The following TMEM143 variants were observed in gnomAD, a reference collection of about 807,000 sequenced individuals.
TMEM143 encodes the protein transmembrane protein 143.
In TMEM143, 45 loss-of-function variants were observed where a neutral mutation model predicts 40.3. That is an observed-to-expected ratio of 1.12 (90% CI 0.88 to 1.43). TMEM143 has a LOEUF of 1.43. TMEM143 is among the 40% of genes most tolerant of loss of function. The pLI is 0.00. For synonymous variants in TMEM143, 299 were observed against 282.7 expected (o/e 1.06, Z -0.58); for missense variants, 620 against 613.4 (o/e 1.01, Z -0.11).
intron 3 of TMEM143, among the ~76,000 whole-genome samples, chr19:48,356,141 G>A (rs1969886592): frequency 6.8e-6 from 1 of 147,356 alleles, no homozygotes; most frequent in Admixed American, 6.8e-5. Flanking sequence ...TTTTTGGGAT[G>A]GAGTCTCACT....
chr19:48,342,075 AG>A (rs1969500662), intron 6 of TMEM143, among the ~76,000 whole-genome samples: 2 of 110,176 alleles, frequency 1.8e-5, no homozygotes, highest in African/African-American at 6.9e-5. Context: ...GCAAGAAGGG[AG>A]GGAAGGGAGA....
At chr19:48,360,732 A>G (rs554740824) in intron 2 of TMEM143, among the ~76,000 whole-genome samples, 1 of 152,132 alleles carries the variant, frequency 6.6e-6, no homozygotes, top group Admixed American at 6.6e-5. Flanking sequence ...ACACACACAC[A>G]CAATTCCAGG....
chr19:48,352,545 C>T (rs1673154), intron 3 of TMEM143, among the ~76,000 whole-genome samples: 105,788 of 150,780 alleles, frequency 0.7, 37,782 homozygotes, highest in East Asian at 0.83. Flanking sequence ...GAGGCCGAGG[C>T]GGGCGGATCA....
intron 3 of TMEM143, among the ~76,000 whole-genome samples, chr19:48,351,732 C>T (rs750147842): frequency 5.9e-5 from 9 of 152,158 alleles, no homozygotes; most frequent in Non-Finnish European, 1.2e-4. Flanking sequence ...AGGGCTTGCT[C>T]CCCTCTCCTT....
intron 3 of TMEM143, among the ~76,000 whole-genome samples, chr19:48,348,938 G>A (rs1224181632): frequency 6.6e-6 from 1 of 152,138 alleles, no homozygotes; most frequent in Non-Finnish European, 1.5e-5. Flanking sequence ...TAGTTTGGGA[G>A]GCCGAGAGAA....
rs1969592168 is a variant in TMEM143 at position 48,345,178 on chromosome 19, G to C, written c.546C>G (p.His182Gln). The change falls in exon 4 of 8, where the codon CAC (histidine) becomes CAG (glutamine). Residue 182 changes from histidine (H) to glutamine (Q), a missense_variant. By Grantham distance (24) the His-to-Gln change is conservative. Transcript: ENST00000293261. ...DTLAYALVVH[H>Q]PQDEVQVTVN... ...CAAGTACCTGGACCTCATCCTGAGGGTGGTGGACCACCAGCGCGTAGGCCA... is the reference window on the plus strand; with the variant it reads ...CAAGTACCTGGACCTCATCCTGAGGCTGGTGGACCACCAGCGCGTAGGCCA... 6.2e-7 allele frequency: 1 copy of C among 1,613,428 alleles called. No homozygotes were observed. Among genetic ancestry groups the C allele is most frequent in the Non-Finnish European group, 8.5e-7 (1 of 1,179,648 alleles).
chr19:48,356,223 T>G (rs1969889451), intron 3 of TMEM143, among the ~76,000 whole-genome samples: 1 of 147,216 alleles, frequency 6.8e-6, no homozygotes. Flanking sequence ...GTTCAAGTGA[T>G]TCTCCTTCCT....
In TMEM143 at chr19:48,360,079, C is replaced by T. The variant is rs1206107741; in HGVS notation, c.362G>A (p.Arg121Gln). 11 of 1,613,990 alleles carry T rather than the reference C, an allele frequency of 6.8e-6. No individual in the cohort carries two copies. Among genetic ancestry groups the T allele is most frequent in the Non-Finnish European group, 8.5e-6 (10 of 1,179,978 alleles). Reference sequence around the variant, plus strand: ...GAAGGGCCCCGTCCTCACCTGCAGCCGGGCCAGGATTTGGTGGTAGTGGAA... The same window carrying T: ...GAAGGGCCCCGTCCTCACCTGCAGCTGGGCCAGGATTTGGTGGTAGTGGAA... Reference protein sequence around the residue: ...TLFHYHQILARLQALYDPINP... With the variant: ...TLFHYHQILAQLQALYDPINP... Residue 121 changes from arginine (R) to glutamine (Q), a missense_variant, in exon 3 of 8, where the codon CGG (arginine) becomes CAG (glutamine). Physicochemically the swap from Arg to Gln is conservative, Grantham distance 43. Transcript: ENST00000293261.
At position 48,342,516 on chromosome 19, in the gene TMEM143, A is replaced by G; in HGVS notation, c.975+14T>C. On this transcript the variant is annotated intron_variant, in intron 6 of 7. Transcript: ENST00000293261. The stretch of plus-strand genomic sequence containing the variant: ...AGCGCAGGGCCGCAGGAGGCGTGGC[A>G]GGCGCATGCTCACCTTGGAGGCCCG... 6.3e-7 allele frequency: 1 copy of G among 1,593,478 alleles called. No homozygotes were observed.
At chr19:48,336,529 A>C (rs1446150651) in intron 6 of TMEM143, among the ~76,000 whole-genome samples, 7 of 148,862 alleles carry the variant, frequency 4.7e-5, no homozygotes, top group Non-Finnish European at 4.4e-5. Flanking sequence ...TGTCTCAAAA[A>C]AATAAATAAA....
chr19:48,340,659 G>A (rs1969468048), intron 6 of TMEM143, among the ~76,000 whole-genome samples: 1 of 152,018 alleles, frequency 6.6e-6, no homozygotes. Flanking sequence ...CCGTGGGCTG[G>A]GACTCAGTGT....
chr19:48,338,209 G>C (rs371468540), intron 6 of TMEM143, among the ~76,000 whole-genome samples: 1 of 152,042 alleles, frequency 6.6e-6, no homozygotes. Context: ...CTCTCTGCCC[G>C]TCTCCTCCTC....
intron 2 of TMEM143, among the ~76,000 whole-genome samples, chr19:48,361,807 G>A (rs558727371): frequency 6.6e-5 from 10 of 152,104 alleles, no homozygotes; most frequent in East Asian, 1.9e-4. Flanking sequence ...GATTACAGGC[G>A]TGAGCCACCG....
chr19:48,344,323 C>T (rs1969575030), intron 4 of TMEM143, among the ~76,000 whole-genome samples: 1 of 151,384 alleles, frequency 6.6e-6, no homozygotes, highest in African/African-American at 2.4e-5. Flanking sequence ...AATTTGTCAT[C>T]CAGGCTGGAG....
At chr19:48,338,197 C>T (rs540955202) in intron 6 of TMEM143, among the ~76,000 whole-genome samples, 2 of 152,304 alleles carry the variant, frequency 1.3e-5, no homozygotes, top group South Asian at 4.1e-4. Context: ...AGTCCCCTGA[C>T]TCTCTCTGCC....
chr19:48,358,750 TC>T (rs1257861456), intron 3 of TMEM143, among the ~76,000 whole-genome samples: 1 of 152,192 alleles, frequency 6.6e-6, no homozygotes, highest in Admixed American at 6.5e-5. Flanking sequence ...TTCATAGATG[TC>T]CCTGCCTCTG....
At chr19:48,354,894 G>A (rs1038269469) in intron 3 of TMEM143, among the ~76,000 whole-genome samples, 49 of 152,232 alleles carry the variant, frequency 3.2e-4, no homozygotes, top group African/African-American at 5.3e-4. Flanking sequence ...GGCCTCACCC[G>A]CCTCTGCCAC....
intron 2 of TMEM143, chr19:48,360,556 C>T (rs1351385327): frequency 6.0e-6 from 1 of 165,596 alleles, no homozygotes; most frequent in Non-Finnish European, 1.2e-5. Flanking sequence ...CCAGACTAGA[C>T]AACATCAAGA....
At chr19:48,339,228 C>T (rs986706317) in intron 6 of TMEM143, among the ~76,000 whole-genome samples, 1 of 152,084 alleles carries the variant, frequency 6.6e-6, no homozygotes, top group African/African-American at 2.4e-5. Context: ...CAGTGACTGG[C>T]GGGATGACAG....
Sources: gnomAD v4.1 joint callset for allele counts (sites outside exome capture counted in the v4.1 genomes callset) on GRCh38, gnomAD v4.1.1 for gene constraint, MANE v1.5 for transcripts, NCBI Gene and HGNC (gene_info 2026-07-23, HGNC 2026-07-21) for gene names.